The following LIG1 variants were observed in gnomAD, a reference collection of about 807,000 sequenced individuals.
The protein encoded by LIG1 is ligase I, DNA, ATP-dependent.
Under a neutral mutation model 115.7 loss-of-function variants are expected in LIG1, and 70 were observed. The ratio of observed to expected loss-of-function variants is 0.60; its 90% CI spans 0.50 to 0.74. The LOEUF is 0.74. LIG1 is among the 30% of genes least tolerant of loss of function. LIG1 has a pLI of 0.00. For missense variants in LIG1, 1,115 were observed against 1,225.6 expected (o/e 0.91, Z 1.35); for synonymous variants, 487 against 495.3 (o/e 0.98, Z 0.22).
intron 2 of LIG1, 79 bp downstream of exon 2, chr19:48,165,471 G>T (rs1220680442): frequency 3.4e-6 from 4 of 1,172,080 alleles, no homozygotes; most frequent in Non-Finnish European, 3.9e-6. Flanking sequence ...TTGTTTGTTT[G>T]TTTTTTTAAG....
Position 48,170,262 on chromosome 19 carries a change from G to A in LIG1, c.-79C>T, listed in dbSNP as rs552922439. ...TTGCCTTGCGTTGGTCCCGCGCGCC[G>A]CTGCCCGGGCAACACACTCAGATCC... On this transcript the variant is annotated 5_prime_UTR_variant, in exon 1 of 28. Transcript: ENST00000263274. The A allele has an allele frequency of 5.7e-5, 26 of 455,188 alleles. No homozygotes were observed. The highest frequency in any genetic ancestry group is 3.2e-4 in the African/African-American group (16 of 50,004). The allele number at this position is 455,188 out of a possible 1,614,324, so 28.2% of individuals were successfully genotyped here. A position where few individuals can be genotyped will look rare whatever the true frequency, so the allele number is the denominator to read the frequency against.
At chr19:48,161,285 TCTC>T in intron 4 of LIG1, 84 bp downstream of exon 4, 2 of 1,583,006 alleles carry the variant, frequency 1.3e-6, no homozygotes, top group South Asian at 1.1e-5. Flanking sequence ...TCTCCAGAAT[TCTC>T]CTGAACAGCT....
At chr19:48,142,089 G>A (rs1404158489) in intron 11 of LIG1, among the ~76,000 whole-genome samples, 2 of 151,926 alleles carry the variant, frequency 1.3e-5, no homozygotes, top group East Asian at 3.9e-4. Flanking sequence ...ATCACTTGAG[G>A]TCAGGAGTTC....
intron 5 of LIG1, among the ~76,000 whole-genome samples, chr19:48,155,349 C>T (rs1477958889): frequency 6.6e-6 from 1 of 152,200 alleles, no homozygotes; most frequent in Non-Finnish European, 1.5e-5. Context: ...CAGGTCGCAT[C>T]CGATTCTCCA....
At chr19:48,127,068 GGAAAGAGAGGGACCTTGAAGATGTCCTT>G (rs1470802657) in intron 21 of LIG1, 181 bp downstream of exon 21, 50 of 582,836 alleles carry the variant, frequency 8.6e-5, no homozygotes, top group Non-Finnish European at 1.5e-4. Flanking sequence ...ATGTGGAGTT[GGAAAGAGAGGGACCTTGAAGATGTCCTT>G]GAAAGAATCT....
At chr19:48,144,020 T>C (rs373946135) in intron 9 of LIG1, 57 bp from the exon 10 acceptor site, 14 of 1,348,622 alleles carry the variant, frequency 1.0e-5, no homozygotes, top group Non-Finnish European at 1.5e-5. Flanking sequence ...AGCAAAGTCA[T>C]TCCTTCCAAC....
chr19:48,133,142 AT>A, intron 17 of LIG1, 45 bp from the exon 18 acceptor site: 1 of 1,227,676 alleles, frequency 8.1e-7, no homozygotes, highest in Non-Finnish European at 1.2e-6. Context: ...AAGGCAATGG[AT>A]TAGAGGGGGA....
At chr19:48,141,423 C>T (rs1275945645) in intron 11 of LIG1, among the ~76,000 whole-genome samples, 1 of 152,226 alleles carries the variant, frequency 6.6e-6, no homozygotes, top group South Asian at 2.1e-4. Context: ...TGAGCCAACA[C>T]GGCCAGCCCT....
At chr19:48,148,372 T>C (rs1268144163) in intron 9 of LIG1, among the ~76,000 whole-genome samples, 1 of 150,774 alleles carries the variant, frequency 6.6e-6, no homozygotes, top group Non-Finnish European at 1.5e-5. Flanking sequence ...CTACTTGGGA[T>C]GTGGAGGCAG....
intron 5 of LIG1, among the ~76,000 whole-genome samples, chr19:48,156,207 A>G (rs1214395259): frequency 6.6e-6 from 1 of 151,870 alleles, no homozygotes; most frequent in Non-Finnish European, 1.5e-5. Context: ...CTCAATTTCT[A>G]TGTTCCCCTT....
chr19:48,131,027 C>G, intron 19 of LIG1, 49 bp downstream of exon 19: 5 of 1,498,012 alleles, frequency 3.3e-6, no homozygotes, highest in Non-Finnish European at 4.7e-6. Flanking sequence ...GGCCTTTGCA[C>G]CCCTGACCAC....
At chr19:48,118,427 G>A (rs761610190) in intron 25 of LIG1, 20 of 158,754 alleles carry the variant, frequency 1.3e-4, no homozygotes, top group South Asian at 5.5e-4. Flanking sequence ...CTTGCCTGGC[G>A]CCATGTAAGA....
Position 48,135,713 on chromosome 19 carries a change from T to A in LIG1, c.1490A>T (p.Glu497Val), listed in dbSNP as rs74929288. Residue 497 changes from glutamate (E) to valine (V), a missense_variant, in exon 16 of 28, where the codon GAG becomes GTG. By Grantham distance (121) the Glu-to-Val change is moderately radical (BLOSUM62 -2). Coordinates refer to ENST00000263274, the MANE Select transcript of LIG1 (RefSeq NM_000234.3). ...KTAEARKTWL[E>V]EQGMILKQTF... is the part of the protein sequence containing the mutation. ...CTGCTTCAGGATCATGCCTTGCTCC[T>A]CCAGCCACGTCTTTCTGGCCTCTGC... is the stretch of plus-strand genomic sequence containing the variant. 1.5e-5 allele frequency: 24 copies of A among 1,613,624 alleles called. 1 individual carries two copies. The South Asian group carries it at 2.6e-4, about 18-fold the overall frequency.
At chr19:48,133,364 TC>T in intron 17 of LIG1, 1 of 488,906 alleles carries the variant, frequency 2.0e-6, no homozygotes, top group Non-Finnish European at 3.7e-6. Context: ...TCTGGTTGCC[TC>T]CCCTCCCTCC....
At chr19:48,164,258 A>G (rs1306504937) in intron 2 of LIG1, among the ~76,000 whole-genome samples, 3 of 152,218 alleles carry the variant, frequency 2.0e-5, no homozygotes, top group African/African-American at 7.2e-5. Flanking sequence ...CGAAGGCACC[A>G]TCAGCCCTGG....
At chr19:48,140,454 T>C (rs2034669187) in intron 11 of LIG1, among the ~76,000 whole-genome samples, 1 of 152,184 alleles carries the variant, frequency 6.6e-6, no homozygotes, top group Non-Finnish European at 1.5e-5. Flanking sequence ...GAACTAACTT[T>C]GGGAAGGAAT....
intron 16 of LIG1, 29 bp downstream of exon 16, chr19:48,135,650 TG>T: frequency 7.0e-7 from 1 of 1,434,820 alleles, no homozygotes; most frequent in East Asian, 2.3e-5. Context: ...CCACAGCCCC[TG>T]GCAACTCCAC....
chr19:48,143,823 G>A (rs1038778150), intron 10 of LIG1, 60 bp downstream of exon 10: 25 of 1,427,234 alleles, frequency 1.8e-5, no homozygotes, highest in Non-Finnish European at 2.1e-5. Flanking sequence ...ACTCTGCTTA[G>A]AGAGCCTCCG....
chr19:48,146,154 T>C (rs1427531370), intron 9 of LIG1: 2 of 152,274 alleles, frequency 1.3e-5, no homozygotes, highest in African/African-American at 4.8e-5. Flanking sequence ...TTTGCCTGTC[T>C]CTTGGAGGCA....
Sources: allele counts gnomAD v4.1 joint callset (sites outside exome capture counted in the v4.1 genomes callset), GRCh38; gene constraint gnomAD v4.1.1; transcripts MANE v1.5; gene names NCBI Gene and HGNC (gene_info 2026-07-23, HGNC 2026-07-21).